NTN4: variants seen among roughly 807,000 people sequenced by gnomAD.
The protein encoded by NTN4 is netrin 4.
Under a neutral mutation model 73.6 loss-of-function variants are expected in NTN4, and 32 were observed. The ratio of observed to expected loss-of-function variants is 0.44; its 90% CI spans 0.33 to 0.58. The LOEUF is 0.58. Ranked by LOEUF, NTN4 falls within the 20% of genes least tolerant of loss-of-function variation. The pLI, the probability that NTN4 is intolerant of heterozygous loss-of-function variation, is 0.04. For missense variants in NTN4, 654 were observed against 798.3 expected (o/e 0.82, Z 2.18); for synonymous variants, 258 against 287.5 (o/e 0.90, Z 1.04).
chr12:95,743,214 G>A (rs935633488), intron 2 of NTN4, among the ~76,000 whole-genome samples: 3 of 152,132 alleles, frequency 2.0e-5, no homozygotes, highest in African/African-American at 7.2e-5. Flanking sequence ...CAGTTCTTAA[G>A]ATACTAGACA....
intron 2 of NTN4, among the ~76,000 whole-genome samples, chr12:95,776,435 A>G (rs2079093081): frequency 6.6e-6 from 1 of 152,212 alleles, no homozygotes; most frequent in African/African-American, 2.4e-5. Flanking sequence ...CGAATGGCTA[A>G]CTAGAATAAC....
At chr12:95,689,698 G>C (rs2078387848) in intron 5 of NTN4, among the ~76,000 whole-genome samples, 1 of 152,188 alleles carries the variant, frequency 6.6e-6, no homozygotes, top group Non-Finnish European at 1.5e-5. Flanking sequence ...CTCACCAAAT[G>C]TGAAGCCAGA....
intron 2 of NTN4, among the ~76,000 whole-genome samples, chr12:95,747,620 G>C (rs1020662961): frequency 2.0e-5 from 3 of 151,972 alleles, no homozygotes; most frequent in Non-Finnish European, 4.4e-5. Flanking sequence ...TATTTTTTGT[G>C]TGTGTGTTTA....
chr12:95,708,578 A>G (rs927336061), intron 5 of NTN4, among the ~76,000 whole-genome samples: 1 of 151,998 alleles, frequency 6.6e-6, no homozygotes. Flanking sequence ...ATTTTTAAAT[A>G]TAATATTAAA....
chr12:95,756,477 T>C (rs908207169), intron 2 of NTN4, among the ~76,000 whole-genome samples: 1 of 152,160 alleles, frequency 6.6e-6, no homozygotes, highest in Non-Finnish European at 1.5e-5. Flanking sequence ...TTTGTCAATC[T>C]CCCTTCTTTG....
intron 3 of NTN4, among the ~76,000 whole-genome samples, chr12:95,735,243 T>C (rs991405396): frequency 4.6e-5 from 7 of 152,088 alleles, no homozygotes; most frequent in African/African-American, 1.7e-4. Flanking sequence ...TTTTTTCTTC[T>C]TTTTTCTTTT....
At chr12:95,737,813 G>C in intron 3 of NTN4, 53 bp downstream of exon 3, 1 of 1,557,392 alleles carries the variant, frequency 6.4e-7, no homozygotes, top group Non-Finnish European at 8.7e-7. Flanking sequence ...AATGCCCAAA[G>C]CTGAAGGTAA....
intron 2 of NTN4, among the ~76,000 whole-genome samples, chr12:95,753,001 C>T (rs1159393915): frequency 1.3e-5 from 2 of 152,182 alleles, no homozygotes; most frequent in African/African-American, 2.4e-5. Flanking sequence ...GTTCCTGGTC[C>T]GGACTTCAAT....
chr12:95,753,976 G>A (rs2078929165), intron 2 of NTN4, among the ~76,000 whole-genome samples: 1 of 152,046 alleles, frequency 6.6e-6, no homozygotes, highest in Admixed American at 6.5e-5. Flanking sequence ...TACACTGCCG[G>A]TTTACACTGT....
chr12:95,752,862 A>G (rs1450525942), intron 2 of NTN4, among the ~76,000 whole-genome samples: 1 of 152,066 alleles, frequency 6.6e-6, no homozygotes, highest in Non-Finnish European at 1.5e-5. Flanking sequence ...ATCACAAACT[A>G]TGCTCAACTC....
intron 3 of NTN4, among the ~76,000 whole-genome samples, chr12:95,716,425 C>T (rs552178844): frequency 2.6e-5 from 4 of 152,270 alleles, no homozygotes; most frequent in African/African-American, 9.6e-5. Context: ...ATCCAGATCA[C>T]AGAACACACT....
rs1555219976 is a variant in NTN4 at position 95,748,244 on chromosome 12, A to AAAAG, written c.586-10101_586-10100insCTTT. Among the ~76,000 whole-genome samples the AAAAG allele has an allele frequency of 3.1e-3, 425 of 138,476 alleles. 3 individuals carry two copies. The highest frequency in any genetic ancestry group is 5.4e-3 in the Non-Finnish European group (353 of 65,288). The allele number at this position is 138,476 out of a possible 152,430, so 90.8% of individuals were successfully genotyped here. ...AGACTCTGTCTCAAAAAAAAAAAAA[A>AAAAG]AAAAGAAAAGAAAAGAAAAAATAGA... On this transcript the variant is annotated intron_variant, in intron 2 of 9. Transcript: ENST00000343702.
intron 5 of NTN4, among the ~76,000 whole-genome samples, chr12:95,691,674 C>T (rs1041418642): frequency 2.6e-5 from 4 of 152,310 alleles, no homozygotes; most frequent in Admixed American, 1.3e-4. Context: ...GGATTACAGG[C>T]GTGAGCCACC....
chr12:95,682,667 C>T, intron 7 of NTN4, 40 bp downstream of exon 7: 1 of 1,401,942 alleles, frequency 7.1e-7, no homozygotes, highest in Non-Finnish European at 1.0e-6. Flanking sequence ...TTACATAAGA[C>T]CAGACCTGAA....
At chr12:95,679,955 CT>C (rs1168838237) in intron 7 of NTN4, among the ~76,000 whole-genome samples, 3 of 152,144 alleles carry the variant, frequency 2.0e-5, no homozygotes, top group Admixed American at 6.5e-5. Context: ...CCTAAACTCT[CT>C]TTTCTCTGCC....
intron 8 of NTN4, 109 bp downstream of exon 8, chr12:95,669,969 G>A: frequency 1.7e-6 from 1 of 594,196 alleles, no homozygotes; most frequent in South Asian, 2.7e-5. Flanking sequence ...CTAATGCTTT[G>A]TGCTTTCATT....
chr12:95,682,687 C>A lies in NTN4; in HGVS notation c.1510+20G>T, dbSNP rs2078327557. ...TAAGACCAGACCTGAAAATATGATG[C>A]CTGGTTACATCCATCTCACCTGAGT... is the stretch of plus-strand genomic sequence containing the variant. On this transcript the variant is annotated intron_variant, in intron 7 of 9. Coordinates refer to ENST00000343702, the MANE Select transcript of NTN4 (RefSeq NM_021229.4). 2 of 1,519,678 alleles carry A rather than the reference C, an allele frequency of 1.3e-6. No homozygotes were observed. Among genetic ancestry groups the A allele is most frequent in the South Asian group, 2.3e-5 (2 of 88,776 alleles). The allele number at this position is 1,519,678 out of a possible 1,614,324, so 94.1% of individuals were successfully genotyped here. A position where few individuals can be genotyped will look rare whatever the true frequency, so the allele number is the denominator to read the frequency against.
In NTN4 at chr12:95,779,051, C is replaced by A. The variant is rs2079114010; in HGVS notation, c.585+7888G>T. 2.0e-5 allele frequency among the ~76,000 whole-genome samples: 3 copies of A among 152,126 alleles called. No individual in the cohort carries two copies. In the South Asian group the frequency reaches 6.2e-4, roughly 32 times the overall value. On this transcript the variant is annotated intron_variant, in intron 2 of 9. Coordinates refer to ENST00000343702, the MANE Select transcript of NTN4 (RefSeq NM_021229.4). ...TCCAGCATATAAACAGAACCAAAGA[C>A]AAAAACCACATTATTATCTCAGTAG...
intron 2 of NTN4, among the ~76,000 whole-genome samples, chr12:95,779,734 A>G (rs1308001503): frequency 6.6e-6 from 1 of 152,168 alleles, no homozygotes; most frequent in Non-Finnish European, 1.5e-5. Flanking sequence ...ATACTGCCCA[A>G]AGTAATTTAT....
Sources: gnomAD v4.1 joint callset for allele counts (sites outside exome capture counted in the v4.1 genomes callset) on GRCh38, gnomAD v4.1.1 for gene constraint, MANE v1.5 for transcripts, NCBI Gene and HGNC (gene_info 2026-07-23, HGNC 2026-07-21) for gene names.